TAFA1: variants seen among roughly 807,000 people sequenced by gnomAD.
TAFA1 encodes the protein chemokine-like protein TAFA-1.
TAFA1 carries 4 observed loss-of-function variants against 18.5 expected under a neutral mutation model. The ratio of observed to expected loss-of-function variants is 0.22; its 90% CI spans 0.11 to 0.49. TAFA1 has a LOEUF of 0.49. Ranked by LOEUF, TAFA1 falls within the 20% of genes least tolerant of loss-of-function variation. The pLI is 0.98. For synonymous variants in TAFA1, 56 were observed against 55.2 expected (o/e 1.01, Z -0.06); for missense variants, 147 against 169.0 (o/e 0.87, Z 0.72).
Position 68,495,564 on chromosome 3 carries a change from C to T in TAFA1, c.260-43192C>T, listed in dbSNP as rs530463229. 1.2e-4 allele frequency among the ~76,000 whole-genome samples: 19 copies of T among 152,144 alleles called. No homozygotes were observed. The South Asian group carries it at 2.9e-3, about 23-fold the overall frequency. The stretch of plus-strand genomic sequence containing the variant: ...ATTTAAAAGTCGGCAAATAAGTGTA[C>T]GTTTCATTGATTTTAGTTAGACTGA... On this transcript the variant is annotated intron_variant, in intron 3 of 4. Transcript: ENST00000478136.
chr3:68,011,685 C>A (rs537775640), intron 2 of TAFA1, among the ~76,000 whole-genome samples: 1 of 152,046 alleles, frequency 6.6e-6, no homozygotes, highest in Non-Finnish European at 1.5e-5. Flanking sequence ...TTTAAGAATG[C>A]GTACCAGTGC....
chr3:68,336,429 T>A (rs1016323169), intron 2 of TAFA1, among the ~76,000 whole-genome samples: 2 of 152,238 alleles, frequency 1.3e-5, no homozygotes, highest in African/African-American at 4.8e-5. Flanking sequence ...ATTATCTATA[T>A]CTTATTTTTA....
At chr3:68,141,830 T>C (rs1478160697) in intron 2 of TAFA1, among the ~76,000 whole-genome samples, 1 of 152,214 alleles carries the variant, frequency 6.6e-6, no homozygotes, top group Non-Finnish European at 1.5e-5. Context: ...TTCTCATCTC[T>C]GATAAGGGTT....
chr3:68,015,246 A>G (rs1704545654), intron 2 of TAFA1, among the ~76,000 whole-genome samples: 2 of 151,794 alleles, frequency 1.3e-5, no homozygotes, highest in South Asian at 4.1e-4. Flanking sequence ...CCTCATTTGA[A>G]TCTCAGCTAA....
intron 2 of TAFA1, among the ~76,000 whole-genome samples, chr3:68,018,544 A>G (rs1057051822): frequency 6.6e-6 from 1 of 152,192 alleles, no homozygotes; most frequent in African/African-American, 2.4e-5. Flanking sequence ...GTAGTAATAG[A>G]AATGACACTT....
chr3:68,192,370 A>G (rs1021419761), intron 2 of TAFA1: 2 of 160,610 alleles, frequency 1.2e-5, no homozygotes, highest in Non-Finnish European at 2.8e-5. Flanking sequence ...CCTGGCCTCC[A>G]TGTCTCCATT....
chr3:68,324,162 T>C (rs1161148017), intron 2 of TAFA1, among the ~76,000 whole-genome samples: 6 of 146,364 alleles, frequency 4.1e-5, no homozygotes, highest in Admixed American at 1.4e-4. Context: ...AAGGATAATA[T>C]AGACTTTTTT....
chr3:68,164,192 TC>T (rs2065956440), intron 2 of TAFA1, among the ~76,000 whole-genome samples: 1 of 152,180 alleles, frequency 6.6e-6, no homozygotes, highest in African/African-American at 2.4e-5. Context: ...ATCTCTCTCT[TC>T]CCAGGTTCCT....
chr3:68,102,305 C>A (rs1252846960), intron 2 of TAFA1, among the ~76,000 whole-genome samples: 3 of 152,120 alleles, frequency 2.0e-5, no homozygotes. Context: ...TCTTTAAATA[C>A]TCTGATTAAG....
intron 3 of TAFA1, among the ~76,000 whole-genome samples, chr3:68,498,549 G>A (rs886700797): frequency 1.3e-5 from 2 of 152,048 alleles, no homozygotes; most frequent in Admixed American, 6.6e-5. Context: ...AAGGAAAAAA[G>A]ACCATGTCTG....
rs369778483 is a variant in TAFA1 at position 68,411,252 on chromosome 3, C to G, written c.119-6028C>G. Among the ~76,000 whole-genome samples the G allele has an allele frequency of 1.2e-4, 19 of 152,150 alleles. No individual in the cohort carries two copies. In the East Asian group the frequency reaches 1.7e-3, roughly 14 times the overall value. On this transcript the variant is annotated intron_variant, in intron 2 of 4. Coordinates refer to ENST00000478136, the MANE Select transcript of TAFA1 (RefSeq NM_213609.4). ...AAGTAAAGGTGGGCTCTTGATGTAG[C>G]CAAAAAGTAAAAAACACATAGGAAT...
At chr3:68,334,384 G>A (rs576619894) in intron 2 of TAFA1, among the ~76,000 whole-genome samples, 4 of 152,040 alleles carry the variant, frequency 2.6e-5, no homozygotes, top group Admixed American at 1.3e-4. Flanking sequence ...TACATTTGTC[G>A]ATTTGTGAAA....
intron 2 of TAFA1, among the ~76,000 whole-genome samples, chr3:68,302,998 A>C (rs1270119628): frequency 6.6e-6 from 1 of 152,154 alleles, no homozygotes; most frequent in African/African-American, 2.4e-5. Flanking sequence ...AATATTAGTA[A>C]TCTACCTCAT....
chr3:68,087,424 C>T (rs534967678), intron 2 of TAFA1, among the ~76,000 whole-genome samples: 1 of 152,078 alleles, frequency 6.6e-6, no homozygotes, highest in Non-Finnish European at 1.5e-5. Flanking sequence ...ATTTTATTAA[C>T]ACAAAAATAT....
chr3:68,422,727 A>G (rs551409079), intron 3 of TAFA1, among the ~76,000 whole-genome samples: 8 of 152,192 alleles, frequency 5.3e-5, no homozygotes, highest in African/African-American at 1.7e-4. Flanking sequence ...CAAATTACAC[A>G]CTTGCCAAAT....
chr3:68,530,765 G>T (rs1161436493), intron 3 of TAFA1, among the ~76,000 whole-genome samples: 1 of 151,302 alleles, frequency 6.6e-6, no homozygotes, highest in African/African-American at 2.4e-5. Flanking sequence ...GAGTAGCTCA[G>T]ATCAAAAAAA....
At chr3:68,507,484 G>T (rs377568378) in intron 3 of TAFA1, among the ~76,000 whole-genome samples, 1 of 151,944 alleles carries the variant, frequency 6.6e-6, no homozygotes. Flanking sequence ...TAAAACTAGC[G>T]TCTAGAATTC....
At chr3:68,230,197 A>G (rs1484769097) in intron 2 of TAFA1, among the ~76,000 whole-genome samples, 1 of 152,166 alleles carries the variant, frequency 6.6e-6, no homozygotes. Flanking sequence ...ATGTGCTACC[A>G]AACACTAGAT....
intron 3 of TAFA1, among the ~76,000 whole-genome samples, chr3:68,439,777 C>G (rs369988247): frequency 2.0e-5 from 3 of 151,970 alleles, no homozygotes; most frequent in African/African-American, 7.2e-5. Flanking sequence ...CACCCGGGAT[C>G]GATACTTTGC....
Sources: gnomAD v4.1 joint callset for allele counts (sites outside exome capture counted in the v4.1 genomes callset) on GRCh38, gnomAD v4.1.1 for gene constraint, MANE v1.5 for transcripts, NCBI Gene and HGNC (gene_info 2026-07-23, HGNC 2026-07-21) for gene names.